The following FAM107A variants were observed in gnomAD, a reference collection of about 807,000 sequenced individuals.
FAM107A encodes actin-associated protein FAM107A.
FAM107A carries 19 observed loss-of-function variants against 13.7 expected under a neutral mutation model. The ratio of observed to expected loss-of-function variants is 1.38; its 90% confidence interval spans 0.97 to 2.03. The LOEUF is 2.03. Among genes scored for constraint, FAM107A ranks in the 30% most tolerant of loss-of-function variants. The pLI is 0.00. For synonymous variants in FAM107A, 82 were observed against 74.5 expected (o/e 1.10, Z -0.52); for missense variants, 203 against 184.4 (o/e 1.10, Z -0.58).
intron 1 of FAM107A, among the ~76,000 whole-genome samples, chr3:58,570,127 C>T (rs947305828): frequency 3.3e-5 from 5 of 152,160 alleles, no homozygotes; most frequent in Admixed American, 1.3e-4. Context: ...AAAATGATAA[C>T]GGGTCACAAA....
intron 1 of FAM107A, among the ~76,000 whole-genome samples, chr3:58,606,728 G>C (rs1191316408): frequency 6.6e-6 from 1 of 152,248 alleles, no homozygotes; most frequent in Non-Finnish European, 1.5e-5. Flanking sequence ...ACAGAGTACA[G>C]GCTAAAGTTT....
Position 58,566,600 on chromosome 3 carries a change from C to T in FAM107A, c.423G>A (p.Glu141=). ...CCGGCAGCTGGCCCTACAGCTCTCT[C>T]TCTTCGCTGGTCAGTGTGGCAATTC... The part of the protein sequence containing the change: ...LRRIATLTSE[E]REL Residue 141 remains glutamate, a synonymous_variant, in exon 4 of 4, where the codon GAG becomes GAA. Coordinates refer to ENST00000360997, the MANE Select transcript of FAM107A (RefSeq NM_001076778.3). 2 of 1,613,496 alleles carry T rather than the reference C, an allele frequency of 1.2e-6. No homozygotes were observed. The highest frequency in any genetic ancestry group is 1.1e-5 in the South Asian group (1 of 91,054).
chr3:58,610,317 C>T (rs1055350864), intron 1 of FAM107A, among the ~76,000 whole-genome samples: 1 of 152,188 alleles, frequency 6.6e-6, no homozygotes, highest in Admixed American at 6.5e-5. Context: ...CAAGTGGCAT[C>T]CCAGGTTTGT....
chr3:58,585,259 T>C (rs1158182754), intron 1 of FAM107A, among the ~76,000 whole-genome samples: 1 of 152,214 alleles, frequency 6.6e-6, no homozygotes, highest in Non-Finnish European at 1.5e-5. Flanking sequence ...GATCGAGAAC[T>C]GGGTGGGGAC....
chr3:58,570,213 A>T, intron 1 of FAM107A: 2 of 287,700 alleles, frequency 7.0e-6, no homozygotes, highest in South Asian at 1.3e-4. Context: ...ATTATGTTTG[A>T]GTTTCTGTTT....
At chr3:58,600,252 TCAGGGTAGGTACTGTTTACCCCATTTTA>T (rs1002701264) in intron 1 of FAM107A, among the ~76,000 whole-genome samples, 2 of 152,166 alleles carry the variant, frequency 1.3e-5, no homozygotes, top group Admixed American at 6.5e-5. Context: ...CAGCAACCTT[TCAGGGTAGGTACTGTTTACCCCATTTTA>T]CAGACAAGGA....
chr3:58,617,386 C>A lies in FAM107A; in HGVS notation c.-70+10030G>T, dbSNP rs1158038777. Among the ~76,000 whole-genome samples, 2 of 152,138 alleles carry A rather than the reference C, an allele frequency of 1.3e-5. No individual in the cohort carries two copies. The highest frequency in any genetic ancestry group is 2.9e-5 in the Non-Finnish European group (2 of 68,032). On this transcript the variant is annotated intron_variant, in intron 1 of 3. Transcript: ENST00000465970. The surrounding 1 kb of genome is among the most constrained non-coding windows in gnomAD (Gnocchi z 4.5). ...GGTGTGACATCATCCCTATGGGACA[C>A]CTCAGGCCCCGTCCTGAGCTTCCTG...
intron 1 of FAM107A, among the ~76,000 whole-genome samples, chr3:58,595,707 C>T (rs577533912): frequency 1.1e-4 from 17 of 152,218 alleles, no homozygotes; most frequent in South Asian, 4.2e-4. Context: ...CGTGCACACA[C>T]ACACACACAC....
At chr3:58,580,678 T>G (rs2065527685), upstream of FAM107A, among the ~76,000 whole-genome samples, 1 of 152,002 alleles carries the variant, frequency 6.6e-6, no homozygotes, top group Admixed American at 6.6e-5. Context: ...CCTCCCAAAG[T>G]GCTAGGATCA....
intron 1 of FAM107A, among the ~76,000 whole-genome samples, chr3:58,612,699 A>G (rs2065865869): frequency 6.6e-6 from 1 of 152,202 alleles, no homozygotes; most frequent in Non-Finnish European, 1.5e-5. Context: ...GTATTATTTG[A>G]GAAATAAAGA....
At chr3:58,591,520 A>G (rs1327615538), upstream of FAM107A, among the ~76,000 whole-genome samples, 1 of 152,152 alleles carries the variant, frequency 6.6e-6, no homozygotes, top group African/African-American at 2.4e-5. The surrounding 1 kb of genome is among the most constrained non-coding windows in gnomAD (Gnocchi z 4.3). Flanking sequence ...CTCATACTCC[A>G]ACCACTGAGA....
upstream of FAM107A, chr3:58,577,738 G>A (rs2063742692): frequency 1.0e-6 from 1 of 985,350 alleles, no homozygotes; most frequent in Non-Finnish European, 1.2e-6. This position sits in a 1 kb window ranked among gnomAD's most constrained non-coding sequence, Gnocchi z 4.9. Context: ...TTCCCCATGG[G>A]AGGGGAAGCC....
intron 1 of FAM107A, among the ~76,000 whole-genome samples, chr3:58,585,272 T>C (rs2065592635): frequency 6.6e-6 from 1 of 152,194 alleles, no homozygotes; most frequent in Non-Finnish European, 1.5e-5. Flanking sequence ...GTGGGGACAC[T>C]TAGGGTGGCG....
In FAM107A at chr3:58,613,134, C is replaced by A. The variant is rs2065870250; in HGVS notation, c.-70+14282G>T. 6.6e-6 allele frequency among the ~76,000 whole-genome samples: 1 copy of A among 152,204 alleles called. No homozygotes were observed. The highest frequency in any genetic ancestry group is 2.1e-4 in the South Asian group (1 of 4,824). Reference sequence around the variant, plus strand: ...CTGAAATCTAGCCCAAGGGAGCCAACTGCCTGTTTTGTCAGGTAACACCGA... The same window carrying A: ...CTGAAATCTAGCCCAAGGGAGCCAAATGCCTGTTTTGTCAGGTAACACCGA... On this transcript the variant is annotated intron_variant, in intron 1 of 3. Coordinates refer to the FAM107A transcript ENST00000465970. The surrounding 1 kb of genome is among the most constrained non-coding windows in gnomAD (Gnocchi z 4.6).
At chr3:58,600,822 AC>A (rs2065747139) in intron 1 of FAM107A, among the ~76,000 whole-genome samples, 2 of 152,168 alleles carry the variant, frequency 1.3e-5, no homozygotes, top group African/African-American at 4.8e-5. Flanking sequence ...CAGAGCTGCC[AC>A]CAGGTGGGAA....
intron 3 of FAM107A, 41 bp downstream of exon 3, chr3:58,567,167 C>T (rs373115250): frequency 5.0e-6 from 8 of 1,612,652 alleles, no homozygotes; most frequent in Admixed American, 3.3e-5. Flanking sequence ...GGAGGACAGC[C>T]CTGGAGGATG....
chr3:58,616,338 C>T (rs987283153), intron 1 of FAM107A, among the ~76,000 whole-genome samples: 2 of 151,926 alleles, frequency 1.3e-5, no homozygotes, highest in Non-Finnish European at 2.9e-5. Flanking sequence ...GTACAGAGGT[C>T]CAGGGGGCCA....
chr3:58,576,506 C>T (rs1275360545), intron 1 of FAM107A, among the ~76,000 whole-genome samples: 1 of 152,194 alleles, frequency 6.6e-6, no homozygotes, highest in Non-Finnish European at 1.5e-5. Context: ...CAGGTACTCA[C>T]CACCAACAGA....
intron 1 of FAM107A, chr3:58,570,395 G>A: frequency 6.1e-6 from 6 of 984,790 alleles, no homozygotes; most frequent in Non-Finnish European, 7.2e-6. Context: ...TCAAAGAGGA[G>A]AGCATGAAAT....
Sources: allele counts gnomAD v4.1 joint callset (sites outside exome capture counted in the v4.1 genomes callset), GRCh38; gene constraint gnomAD v4.1.1; non-coding constraint Gnocchi (gnomAD v3.1); transcripts MANE v1.5; gene names NCBI Gene and HGNC (gene_info 2026-07-23, HGNC 2026-07-21).